The following TAOK3 variants were observed in gnomAD, a reference collection of about 807,000 sequenced individuals.
The protein encoded by TAOK3 is TAO kinase 3, also known as serine/threonine-protein kinase TAO3.
Under a neutral mutation model 120.4 loss-of-function variants are expected in TAOK3, and 40 were observed. The ratio of observed to expected loss-of-function variants is 0.33; its 90% CI spans 0.26 to 0.43. TAOK3 has a LOEUF of 0.43. TAOK3 is among the 20% of genes least tolerant of loss of function. The pLI is 1.00. For missense variants in TAOK3, 821 were observed against 1,112.1 expected, an observed-to-expected ratio of 0.74 and a Z score of 3.72; for synonymous variants, 355 against 387.5, an observed-to-expected ratio of 0.92 and a Z score of 0.99.
At chr12:118,166,841 C>T (rs867186473) in intron 17 of TAOK3, among the ~76,000 whole-genome samples, 1,502 of 132,232 alleles carry the variant, frequency 0.011, 51 homozygotes, top group East Asian at 0.065. Context: ...CACACACACA[C>T]ACACATACAC....
At chr12:118,157,610 T>C (rs1592967450) in intron 19 of TAOK3, among the ~76,000 whole-genome samples, 1 of 152,354 alleles carries the variant, frequency 6.6e-6, no homozygotes, top group Non-Finnish European at 1.5e-5. Flanking sequence ...TGAGCTCTCC[T>C]GCTTTGCAGT....
intron 13 of TAOK3, among the ~76,000 whole-genome samples, chr12:118,196,778 C>T (rs1190994217): frequency 6.6e-6 from 1 of 152,030 alleles, no homozygotes; most frequent in Admixed American, 6.5e-5. Context: ...TAATTTATTC[C>T]CTGCCTTCTT....
chr12:118,347,261 C>T (rs915553132), intron 1 of TAOK3, among the ~76,000 whole-genome samples: 2 of 152,206 alleles, frequency 1.3e-5, no homozygotes, highest in East Asian at 3.9e-4. Flanking sequence ...AATCCTTCTA[C>T]TTAGGCCTCC....
At position 118,244,960 on chromosome 12, in the gene TAOK3, T is replaced by C. The variant is rs1248649656; in HGVS notation, c.126A>G (p.Thr42=). 1 of 1,606,020 alleles carries C rather than the reference T, an allele frequency of 6.2e-7. No individual in the cohort carries two copies. Among genetic ancestry groups the C allele is most frequent in the Non-Finnish European group, 8.5e-7 (1 of 1,173,552 alleles). Residue 42 remains threonine, a synonymous_variant, in exon 4 of 21, where the codon ACA becomes ACG. Transcript: ENST00000392533. ...HGSFGAVYFA[T]NAHTSEVVAI... is the part of the protein sequence containing the mutation. ...CCACCACCTCACTGGTGTGAGCATTTGTAGCCTGTGTTAAGAGGGTAGAAG... is the reference window on the plus strand; with the variant it reads ...CCACCACCTCACTGGTGTGAGCATTCGTAGCCTGTGTTAAGAGGGTAGAAG...
Position 118,255,851 on chromosome 12 carries a change from G to A in TAOK3, c.-88-196C>T, listed in dbSNP as rs1272192645. 6 of 227,704 alleles carry A rather than the reference G, an allele frequency of 2.6e-5. No homozygotes were observed. The South Asian group carries it at 4.1e-4, about 16-fold the overall frequency. The allele number at this position is 227,704 out of a possible 1,614,324, so 14.1% of individuals were successfully genotyped here. ...TAATCCCGGCACTTTGGGAGGCTGA[G>A]GCGGGCGGATCACCTGAGGTCGGGA... On this transcript the variant is annotated intron_variant, in intron 2 of 20. Coordinates refer to ENST00000392533, the MANE Select transcript of TAOK3 (RefSeq NM_016281.4).
chr12:118,349,992 A>C (rs1046120583), intron 1 of TAOK3, among the ~76,000 whole-genome samples: 8 of 152,354 alleles, frequency 5.3e-5, no homozygotes, highest in Admixed American at 1.3e-4. Context: ...TTACAAAGTC[A>C]CTGTGAGACT....
chr12:118,161,914 G>A lies in TAOK3; in HGVS notation c.2013C>T (p.Arg671=), dbSNP rs953186748. ...YRQLHTLQKL[R]MDLIRLQHQT... ...GGTGCTGTAAACGGATCAGATCCATGCGTAGCTTCTGTAACGTGTGCAGCT... is the reference window on the plus strand; with the variant it reads ...GGTGCTGTAAACGGATCAGATCCATACGTAGCTTCTGTAACGTGTGCAGCT... Residue 671 remains arginine (R), a synonymous_variant, in exon 18 of 21, where the codon CGC becomes CGT. Transcript: ENST00000392533. This position sits in a 1 kb window ranked among gnomAD's most constrained non-coding sequence, Gnocchi z 4.5. 2 of 1,613,918 alleles carry A rather than the reference G, an allele frequency of 1.2e-6. No individual in the cohort carries two copies. Among genetic ancestry groups the A allele is most frequent in the African/African-American group, 2.7e-5 (2 of 74,872 alleles).
intron 17 of TAOK3, among the ~76,000 whole-genome samples, chr12:118,167,227 T>C (rs1452213789): frequency 6.6e-6 from 1 of 152,122 alleles, no homozygotes; most frequent in Non-Finnish European, 1.5e-5. Flanking sequence ...TTAAAAGGAT[T>C]GCTAATACTC....
rs144296236 is a variant in TAOK3 at position 118,250,896 on chromosome 12, T to C, written c.120+4552A>G. ...TGAACAGGAGTTAAGAAGGTGAAAATAGAAGGGAGAAATATTCGAGAGAGA... is the reference window on the plus strand; with the variant it reads ...TGAACAGGAGTTAAGAAGGTGAAAACAGAAGGGAGAAATATTCGAGAGAGA... On this transcript the variant is annotated intron_variant, in intron 3 of 20. Coordinates refer to ENST00000392533, the MANE Select transcript of TAOK3 (RefSeq NM_016281.4). Among the ~76,000 whole-genome samples, 288 of 151,680 alleles carry C rather than the reference T, an allele frequency of 1.9e-3. 1 individual carries two copies. Among genetic ancestry groups the C allele is most frequent in the African/African-American group, 6.7e-3 (276 of 41,316 alleles).
chr12:118,270,910 C>T (rs2041673587), intron 1 of TAOK3, among the ~76,000 whole-genome samples: 1 of 151,930 alleles, frequency 6.6e-6, no homozygotes, highest in South Asian at 2.1e-4. Context: ...ATCTTCTGAC[C>T]TCGTGATCCG....
chr12:118,276,161 G>A (rs2041895798), intron 1 of TAOK3, among the ~76,000 whole-genome samples: 1 of 152,172 alleles, frequency 6.6e-6, no homozygotes, highest in Non-Finnish European at 1.5e-5. Flanking sequence ...AGATTGTGTA[G>A]AAGCAAGGTT....
intron 1 of TAOK3, among the ~76,000 whole-genome samples, chr12:118,300,365 C>G (rs2042833420): frequency 6.6e-6 from 1 of 152,146 alleles, no homozygotes; most frequent in South Asian, 2.1e-4. Flanking sequence ...TGAGTGGTAA[C>G]TTCCAAAAGT....
At chr12:118,354,917 C>CT (rs34920627) in intron 1 of TAOK3, among the ~76,000 whole-genome samples, 2 of 151,870 alleles carry the variant, frequency 1.3e-5, no homozygotes, top group African/African-American at 4.8e-5. Flanking sequence ...CTAATACATC[C>CT]TGTCTCTGCA....
intron 14 of TAOK3, among the ~76,000 whole-genome samples, chr12:118,182,274 A>T (rs994257320): frequency 4.6e-5 from 7 of 152,134 alleles, no homozygotes; most frequent in African/African-American, 1.7e-4. Context: ...ACATGTTCAC[A>T]TTAACACAGC....
chr12:118,154,892 A>G (rs2034701399), intron 19 of TAOK3, among the ~76,000 whole-genome samples: 1 of 152,164 alleles, frequency 6.6e-6, no homozygotes, highest in African/African-American at 2.4e-5. Context: ...TCCTAGCTCT[A>G]CCACTAATTA....
chr12:118,265,156 C>T (rs1194834031), intron 2 of TAOK3, among the ~76,000 whole-genome samples: 1 of 148,310 alleles, frequency 6.7e-6, no homozygotes, highest in Non-Finnish European at 1.5e-5. Flanking sequence ...TTTGGGAGGC[C>T]GAGGAGGGCA....
At chr12:118,215,151 T>C (rs1261993346) in intron 9 of TAOK3, among the ~76,000 whole-genome samples, 1 of 147,520 alleles carries the variant, frequency 6.8e-6, no homozygotes, top group Admixed American at 6.7e-5. Flanking sequence ...AGTGCTGGGA[T>C]TACAGGCGTG....
intron 14 of TAOK3, among the ~76,000 whole-genome samples, chr12:118,182,338 G>A (rs1277950334): frequency 2.6e-5 from 4 of 151,896 alleles, no homozygotes; most frequent in East Asian, 3.9e-4. Context: ...CCAGAGCCAT[G>A]TTATTTCTAC....
At chr12:118,176,814 T>C (rs1009969984) in intron 16 of TAOK3, among the ~76,000 whole-genome samples, 17 of 152,092 alleles carry the variant, frequency 1.1e-4, no homozygotes, top group African/African-American at 4.1e-4. Context: ...TCGCCCAGAC[T>C]GGAGTGCAGT....
Sources: gnomAD v4.1 joint callset for allele counts (sites outside exome capture counted in the v4.1 genomes callset) on GRCh38, gnomAD v4.1.1 for gene constraint, Gnocchi (gnomAD v3.1) non-coding constraint, MANE v1.5 for transcripts, NCBI Gene and HGNC (gene_info 2026-07-23, HGNC 2026-07-21) for gene names.